The following AQR variants were observed in gnomAD, a reference collection of about 807,000 sequenced individuals.
AQR encodes RNA helicase aquarius.
AQR carries 61 observed loss-of-function variants against 180.5 expected under a neutral mutation model. The ratio of observed to expected loss-of-function variants is 0.34; its 90% CI spans 0.28 to 0.42. The LOEUF is 0.42. AQR is among the 10% of genes least tolerant of loss of function. The pLI is 1.00. For synonymous variants in AQR, 551 were observed against 588.8 expected, an observed-to-expected ratio of 0.94 and a Z score of 0.93; for missense variants, 1,281 against 1,798.3, an observed-to-expected ratio of 0.71 and a Z score of 5.20.
rs1022706828 is a variant in AQR at position 34,852,035 on chromosome 15, T to G, written c.*4757A>C. On this transcript the variant is annotated 3_prime_UTR_variant, in exon 35 of 35. Transcript: ENST00000156471. ...TGTACAAATCACTTCACTTCTGGTT[T>G]CCTCTTCGGCTGTTACTTCACCCTC... 1.1e-4 allele frequency: 17 copies of G among 152,172 alleles called. No homozygotes were observed. The highest frequency in any genetic ancestry group is 3.9e-4 in the African/African-American group (16 of 41,440). 9.4% of individuals were successfully genotyped at this position (152,172 alleles called of 1,614,324 possible). A position where few individuals can be genotyped will look rare whatever the true frequency, so the allele number is the denominator to read the frequency against.
At position 34,864,171 on chromosome 15, in the gene AQR, G is replaced by T. The variant is rs112880163; in HGVS notation, c.3855-1130C>A. On this transcript the variant is annotated intron_variant, in intron 32 of 34. Transcript: ENST00000156471. ...CTCTAATTCGGCCTCATTTTTTATGGTTTTTTTTATGGTCTAGTCTATGGT... is the reference window on the plus strand; with the variant it reads ...CTCTAATTCGGCCTCATTTTTTATGTTTTTTTTTATGGTCTAGTCTATGGT... Among the ~76,000 whole-genome samples the T allele has an allele frequency of 2.0e-3, 303 of 151,746 alleles. 2 individuals carry two copies. The highest frequency in any genetic ancestry group is 6.6e-3 in the African/African-American group (273 of 41,388).
chr15:34,888,628 C>T (rs1044582547), intron 24 of AQR, among the ~76,000 whole-genome samples: 7 of 151,880 alleles, frequency 4.6e-5, no homozygotes, highest in East Asian at 1.9e-4. Flanking sequence ...ACCCAGGAAG[C>T]GGAGGTTGCA....
At chr15:34,923,074 G>A (rs1224978980) in intron 13 of AQR, among the ~76,000 whole-genome samples, 1 of 152,162 alleles carries the variant, frequency 6.6e-6, no homozygotes, top group Non-Finnish European at 1.5e-5. Flanking sequence ...GTTAAGTATA[G>A]TAGAATAAGA....
intron 26 of AQR, among the ~76,000 whole-genome samples, chr15:34,883,621 C>T (rs1595785707): frequency 1.3e-5 from 2 of 152,128 alleles, no homozygotes; most frequent in East Asian, 3.8e-4. Context: ...GTAATCACAT[C>T]TAAAAGATAC....
At position 34,897,001 on chromosome 15, in the gene AQR, T is replaced by C. The variant is rs1416569185; in HGVS notation, c.2391-35A>G. Reference sequence around the variant, plus strand: ...AGAGTAAATAAAAAGTTGGTACAGATAAATGATGCTTTGTATAATACAAAT... The same window carrying C: ...AGAGTAAATAAAAAGTTGGTACAGACAAATGATGCTTTGTATAATACAAAT... On this transcript the variant is annotated intron_variant, in intron 21 of 34. Coordinates refer to ENST00000156471, the MANE Select transcript of AQR (RefSeq NM_014691.3). 8 of 1,510,058 alleles carry C rather than the reference T, an allele frequency of 5.3e-6. No homozygotes were observed. In the Middle Eastern group the frequency reaches 5.1e-4, roughly 96 times the overall value. The allele number at this position is 1,510,058 out of a possible 1,614,324, so 93.5% of individuals were successfully genotyped here. A position where few individuals can be genotyped will look rare whatever the true frequency, so the allele number is the denominator to read the frequency against.
intron 4 of AQR, 139 bp from the exon 5 acceptor site, chr15:34,948,523 G>A: frequency 8.6e-7 from 1 of 1,161,978 alleles, no homozygotes; most frequent in Admixed American, 2.7e-5. Context: ...GGAATCCTTG[G>A]CTGGGTGTGG....
At chr15:34,887,103 C>T (rs1004594036) in intron 24 of AQR, among the ~76,000 whole-genome samples, 5 of 148,928 alleles carry the variant, frequency 3.4e-5, no homozygotes, top group African/African-American at 7.5e-5. Flanking sequence ...CCAGCCTGGG[C>T]GACAAAGCAA....
At chr15:34,945,783 C>T (rs1894102060) in intron 5 of AQR, among the ~76,000 whole-genome samples, 1 of 152,162 alleles carries the variant, frequency 6.6e-6, no homozygotes, top group Non-Finnish European at 1.5e-5. Context: ...AGATGACAGG[C>T]ATCCATTCCT....
chr15:34,863,725 G>C (rs1197736450), intron 32 of AQR, among the ~76,000 whole-genome samples: 4 of 152,114 alleles, frequency 2.6e-5, no homozygotes, highest in South Asian at 2.1e-4. Flanking sequence ...CTGGCTATCT[G>C]ATGAATGATG....
At chr15:34,903,383 T>C (rs1893362990) in intron 19 of AQR, among the ~76,000 whole-genome samples, 1 of 152,020 alleles carries the variant, frequency 6.6e-6, no homozygotes, top group Non-Finnish European at 1.5e-5. Context: ...TTTAAAAGGA[T>C]TATTCAGCCA....
At chr15:34,870,719 G>A in intron 31 of AQR, 33 bp downstream of exon 31, 1 of 1,571,552 alleles carries the variant, frequency 6.4e-7, no homozygotes, top group South Asian at 1.2e-5. Context: ...CCAAAATGAT[G>A]AATAAGAGAA....
intron 6 of AQR, among the ~76,000 whole-genome samples, chr15:34,943,920 T>G (rs1278343373): frequency 6.6e-6 from 1 of 152,198 alleles, no homozygotes; most frequent in Non-Finnish European, 1.5e-5. Flanking sequence ...CATTCCTGTA[T>G]GTATATGCAG....
chr15:34,938,219 A>G (rs1893972638), intron 9 of AQR, among the ~76,000 whole-genome samples: 1 of 152,140 alleles, frequency 6.6e-6, no homozygotes, highest in African/African-American at 2.4e-5. Context: ...GAATATTTCA[A>G]TAACCACACT....
At chr15:34,882,324 T>G (rs1464208968) in intron 27 of AQR, among the ~76,000 whole-genome samples, 178 bp downstream of exon 27, 3 of 151,996 alleles carry the variant, frequency 2.0e-5, no homozygotes, top group Non-Finnish European at 4.4e-5. Context: ...GACATATTAC[T>G]AACAACTAGA....
intron 24 of AQR, among the ~76,000 whole-genome samples, chr15:34,888,773 A>G (rs1017444317): frequency 5.3e-5 from 8 of 152,220 alleles, no homozygotes; most frequent in African/African-American, 1.9e-4. Flanking sequence ...TTGTTTTAGG[A>G]TAGTGTAATT....
chr15:34,940,988 T>A lies in AQR; in HGVS notation c.552A>T (p.Glu184Asp). ...MWMGLQLARL[E>D]LELKKTPKLR... ...GCTTAGGTGTCTTTTTTAATTCTAA[T>A]TCCAATCGTGCCTGAAGAAGAGATG... The change falls in exon 8 of 35, where the codon GAA becomes GAT. Residue 184 changes from glutamate to aspartate, a missense_variant. Coordinates refer to ENST00000156471, the MANE Select transcript of AQR (RefSeq NM_014691.3). 6.2e-7 allele frequency: 1 copy of A among 1,603,254 alleles called. No individual in the cohort carries two copies. The highest frequency in any genetic ancestry group is 8.5e-7 in the Non-Finnish European group (1 of 1,173,714).
chr15:34,907,017 C>A (rs772826919), intron 17 of AQR, among the ~76,000 whole-genome samples: 3 of 152,152 alleles, frequency 2.0e-5, no homozygotes, highest in Non-Finnish European at 4.4e-5. Flanking sequence ...TGTTCGTCAT[C>A]ATTCTTATTT....
chr15:34,937,438 G>A (rs924246674), intron 9 of AQR, among the ~76,000 whole-genome samples: 1 of 152,084 alleles, frequency 6.6e-6, no homozygotes, highest in Non-Finnish European at 1.5e-5. Context: ...ATTTTCAATT[G>A]TAAAATATTA....
chr15:34,896,434 T>C (rs1343878927), intron 22 of AQR, among the ~76,000 whole-genome samples: 1 of 151,790 alleles, frequency 6.6e-6, no homozygotes, highest in Non-Finnish European at 1.5e-5. Context: ...GATCTCTAAA[T>C]GCATAAGAAC....
Sources: allele counts gnomAD v4.1 joint callset (sites outside exome capture counted in the v4.1 genomes callset), GRCh38; gene constraint gnomAD v4.1.1; transcripts MANE v1.5; gene names NCBI Gene and HGNC (gene_info 2026-07-23, HGNC 2026-07-21).